TTC7A: variants seen among roughly 807,000 people sequenced by gnomAD.
The protein encoded by TTC7A is tetratricopeptide repeat domain 7A.
TTC7A carries 110 observed loss-of-function variants against 103.7 expected under a neutral mutation model. The observed-to-expected ratio is 1.06, with a 90% CI of 0.91 to 1.24. The LOEUF (loss-of-function observed/expected upper bound fraction) is 1.24, where lower values mean the gene tolerates loss of function less well. TTC7A is among the 50% of genes most tolerant of loss of function. The probability of loss-of-function intolerance (pLI) is 0.00; values close to 1 mark genes in which losing one functional copy is unlikely to be tolerated. For synonymous variants in TTC7A, 521 were observed against 467.9 expected (o/e 1.11, Z -1.47); for missense variants, 1,340 against 1,116.3 (o/e 1.20, Z -2.86).
Position 46,978,792 on chromosome 2 carries a change from AC to A in TTC7A, c.651del (p.Thr218GlnfsTer9). The A allele has an allele frequency of 6.2e-7, 1 of 1,613,426 alleles. No homozygotes were observed. The highest frequency in any genetic ancestry group is 8.5e-7 in the Non-Finnish European group (1 of 1,179,520). On this transcript the variant is annotated frameshift_variant and splice_region_variant, in exon 5 of 20. Transcript: ENST00000319190. LOFTEE classifies it high-confidence loss of function. ...AQVFLQELEK[T>X]TNNSTSRHLK... Reference sequence around the variant, plus strand: ...GCTCTCTCTCTGTTTCCCTTCCCAGACCACAAATAACAGCACGTCGAGGCAT... The same window carrying A: ...GCTCTCTCTCTGTTTCCCTTCCCAGACACAAATAACAGCACGTCGAGGCAT...
At chr2:46,991,560 T>A (rs1435710719) in intron 5 of TTC7A, among the ~76,000 whole-genome samples, 1 of 152,158 alleles carries the variant, frequency 6.6e-6, no homozygotes, top group African/African-American at 2.4e-5. Flanking sequence ...CACTAACTTT[T>A]AAAAAATACT....
intron 2 of TTC7A, among the ~76,000 whole-genome samples, chr2:46,925,611 G>T (rs949401701): frequency 2.0e-5 from 3 of 152,082 alleles, no homozygotes; most frequent in Non-Finnish European, 4.4e-5. Flanking sequence ...TAACCTGACT[G>T]TATCAACTGA....
chr2:47,028,363 G>A (rs943225735), intron 14 of TTC7A, among the ~76,000 whole-genome samples: 5 of 152,238 alleles, frequency 3.3e-5, no homozygotes, highest in African/African-American at 1.2e-4. Flanking sequence ...CGTGCCCTCT[G>A]CAGCCAGATC....
At chr2:46,944,684 C>T (rs1385254962) in intron 1 of TTC7A, among the ~76,000 whole-genome samples, 1 of 152,140 alleles carries the variant, frequency 6.6e-6, no homozygotes, top group Non-Finnish European at 1.5e-5. Context: ...ATACCTCAGG[C>T]ACACGTCAGC....
At chr2:46,973,924 G>A (rs890146799) in intron 3 of TTC7A, among the ~76,000 whole-genome samples, 8 of 152,166 alleles carry the variant, frequency 5.3e-5, no homozygotes, top group Admixed American at 3.3e-4. Flanking sequence ...AAACAAGAAC[G>A]TTTTGGCAGC....
chr2:47,032,367 G>C (rs910980388), intron 15 of TTC7A, among the ~76,000 whole-genome samples: 1 of 152,220 alleles, frequency 6.6e-6, no homozygotes, highest in Non-Finnish European at 1.5e-5. Flanking sequence ...TGTCTCGGGT[G>C]CTTCCCCAAG....
chr2:46,919,127 TA>T (rs768282900), intron 2 of TTC7A, among the ~76,000 whole-genome samples: 1 of 152,246 alleles, frequency 6.6e-6, no homozygotes, highest in Admixed American at 6.5e-5. Flanking sequence ...TGGATGAGAA[TA>T]GGGGTGAAAA....
chr2:47,002,948 C>G lies in TTC7A; in HGVS notation c.1066-2974C>G, dbSNP rs560388989. On this transcript the variant is annotated intron_variant, in intron 8 of 19. Transcript: ENST00000319190. ...CCCAGGGAGCCTTCCTGGCTGCCTG[C>G]CTATTGAGGGCCTATCACCAGCCTG... is the stretch of plus-strand genomic sequence containing the variant. Among the ~76,000 whole-genome samples the G allele has an allele frequency of 1.1e-4, 16 of 152,310 alleles. No individual in the cohort carries two copies. In the East Asian group the frequency reaches 3.1e-3, roughly 29 times the overall value.
chr2:46,936,083 C>T (rs868022394), intron 2 of TTC7A, among the ~76,000 whole-genome samples: 18 of 152,050 alleles, frequency 1.2e-4, no homozygotes, highest in African/African-American at 4.1e-4. Flanking sequence ...AGAGCAAGAC[C>T]CTGTCTCTAA....
intron 10 of TTC7A, among the ~76,000 whole-genome samples, 156 bp from the exon 11 acceptor site, chr2:47,011,175 G>A (rs975554061): frequency 3.3e-5 from 5 of 152,206 alleles, no homozygotes; most frequent in African/African-American, 9.7e-5. Context: ...TTTGCCTGCC[G>A]ACACTGCCTA....
intron 15 of TTC7A, among the ~76,000 whole-genome samples, chr2:47,040,843 G>A (rs746861159): frequency 2.0e-5 from 3 of 152,210 alleles, no homozygotes; most frequent in Non-Finnish European, 4.4e-5. Context: ...TGACCACAGA[G>A]CTTGGACTTT....
chr2:46,993,584 C>T (rs1000558151), intron 6 of TTC7A, 56 bp downstream of exon 6: 15 of 1,536,828 alleles, frequency 9.8e-6, no homozygotes, highest in Admixed American at 1.7e-5. Context: ...TGGTGGGAGA[C>T]AACAGAAGTC....
intron 16 of TTC7A, among the ~76,000 whole-genome samples, chr2:47,047,562 C>T (rs1053744887): frequency 2.6e-5 from 4 of 152,270 alleles, no homozygotes; most frequent in East Asian, 1.9e-4. Flanking sequence ...TGTTTTCCTG[C>T]TCACTGGCTG....
intron 8 of TTC7A, among the ~76,000 whole-genome samples, chr2:46,997,696 T>C (rs1460040753): frequency 1.3e-5 from 2 of 152,124 alleles, no homozygotes; most frequent in Non-Finnish European, 2.9e-5. Flanking sequence ...TCCTTGTTCT[T>C]AAGTGTAAAA....
At chr2:47,054,045 C>G in intron 18 of TTC7A, 1 of 918,966 alleles carries the variant, frequency 1.1e-6, no homozygotes, top group Non-Finnish European at 1.3e-6. Flanking sequence ...ACATGCCTTT[C>G]AGTCATTTGC....
intron 18 of TTC7A, among the ~76,000 whole-genome samples, chr2:47,059,009 CTTTTTTTTTTTTT>C (rs35753980): frequency 2.5e-4 from 11 of 44,702 alleles, no homozygotes; most frequent in East Asian, 9.1e-4. Context: ...CCTAAGCCTG[CTTTTTTTTTTTTT>C]TTTTTTTTTT....
chr2:47,004,049 C>T (rs1244557790), intron 8 of TTC7A, among the ~76,000 whole-genome samples: 2 of 152,352 alleles, frequency 1.3e-5, no homozygotes, highest in Middle Eastern at 6.8e-3. Flanking sequence ...CACCTTCTTT[C>T]TCCACTCCTC....
intron 11 of TTC7A, among the ~76,000 whole-genome samples, chr2:47,017,877 G>A (rs1331643825): frequency 1.3e-5 from 2 of 152,058 alleles, no homozygotes; most frequent in African/African-American, 2.4e-5. Flanking sequence ...CAGAGACTTA[G>A]GCTGAGATAT....
intron 14 of TTC7A, among the ~76,000 whole-genome samples, chr2:47,028,323 G>A (rs1258910850): frequency 6.6e-6 from 1 of 152,228 alleles, no homozygotes; most frequent in Non-Finnish European, 1.5e-5. Context: ...CCACTTGCAG[G>A]TGGGGCCCTG....
Sources: allele counts gnomAD v4.1 joint callset (sites outside exome capture counted in the v4.1 genomes callset), GRCh38; gene constraint gnomAD v4.1.1; transcripts MANE v1.5; gene names NCBI Gene and HGNC (gene_info 2026-07-23, HGNC 2026-07-21).